Variants in MTMR3 observed in about 807,000 individuals in gnomAD.
MTMR3 encodes the protein phosphatidylinositol-3,5-bisphosphate 3-phosphatase MTMR3.
MTMR3 carries 32 observed loss-of-function variants against 132.4 expected under a neutral mutation model. The observed-to-expected ratio is 0.24, with a 90% CI of 0.18 to 0.32. The LOEUF (loss-of-function observed/expected upper bound fraction) is 0.32, where lower values mean the gene tolerates loss of function less well. Among genes scored for constraint, MTMR3 ranks in the 10% least tolerant of loss-of-function variants. The pLI, the probability that MTMR3 is intolerant of heterozygous loss-of-function variation, is 1.00. For missense variants in MTMR3, 1,216 were observed against 1,489.6 expected, an observed-to-expected ratio of 0.82 and a Z score of 3.02; for synonymous variants, 556 against 550.3, an observed-to-expected ratio of 1.01 and a Z score of -0.14.
intron 9 of MTMR3, chr22:30,004,839 A>T (rs1215276803): frequency 1.3e-5 from 2 of 152,208 alleles, no homozygotes; most frequent in Non-Finnish European, 2.9e-5. Context: ...CTTGACATCC[A>T]TTTCCTGAAT....
At chr22:29,954,409 A>G (rs1423830896) in intron 1 of MTMR3, among the ~76,000 whole-genome samples, 1 of 152,068 alleles carries the variant, frequency 6.6e-6, no homozygotes, top group Non-Finnish European at 1.5e-5. Flanking sequence ...CTTATCTGAC[A>G]AATAGTCCTA....
chr22:29,906,817 G>C (rs145829180), intron 1 of MTMR3, among the ~76,000 whole-genome samples: 15 of 152,140 alleles, frequency 9.9e-5, no homozygotes, highest in African/African-American at 3.4e-4. Context: ...GGTGGCTCAT[G>C]CCTGTATCCC....
chr22:29,971,107 G>C, intron 3 of MTMR3, 45 bp downstream of exon 3: 1 of 1,564,952 alleles, frequency 6.4e-7, no homozygotes, highest in Non-Finnish European at 8.6e-7. Context: ...AAAAAACCCT[G>C]TGTCCTGACA....
intron 7 of MTMR3, chr22:29,993,091 A>G (rs1042902935): frequency 9.2e-5 from 14 of 152,358 alleles, no homozygotes; most frequent in African/African-American, 2.4e-4. Context: ...TTGAAAAACA[A>G]AAGCACCTGC....
chr22:29,992,723 C>T (rs2066989358), intron 7 of MTMR3: 1 of 152,190 alleles, frequency 6.6e-6, no homozygotes, highest in Non-Finnish European at 1.5e-5. Flanking sequence ...TCTTATAAGT[C>T]TGCCCTGGGT....
rs1601453022 is a variant in MTMR3 at position 30,028,544 on chromosome 22, T to C, written c.*2743T>C. 6.6e-6 allele frequency: 1 copy of C among 152,312 alleles called. No individual in the cohort carries two copies. The highest frequency in any genetic ancestry group is 1.5e-5 in the Non-Finnish European group (1 of 68,058). The allele number at this position is 152,312 out of a possible 1,614,324, so 9.4% of individuals were successfully genotyped here. A position where few individuals can be genotyped will look rare whatever the true frequency, so the allele number is the denominator to read the frequency against. ...GCATCCCTCCCATCACATGGGTCTGTGGGTGAGATATGTTATGCTGTTCCT... is the reference window on the plus strand; with the variant it reads ...GCATCCCTCCCATCACATGGGTCTGCGGGTGAGATATGTTATGCTGTTCCT... On this transcript the variant is annotated 3_prime_UTR_variant, in exon 20 of 20. Coordinates refer to ENST00000401950, the MANE Select transcript of MTMR3 (RefSeq NM_021090.4).
At chr22:29,978,821 G>A in intron 4 of MTMR3, 115 bp from the exon 5 acceptor site, 1 of 786,370 alleles carries the variant, frequency 1.3e-6, no homozygotes. Context: ...CTACTTATGT[G>A]CTGTGTTTTC....
intron 19 of MTMR3, chr22:30,023,305 A>G (rs1297675775): frequency 1.1e-5 from 8 of 741,860 alleles, no homozygotes; most frequent in East Asian, 5.0e-5. Context: ...GAATCATGCC[A>G]TAGCTCACCC....
At chr22:29,976,873 T>G (rs931422493) in intron 3 of MTMR3, among the ~76,000 whole-genome samples, 3 of 152,194 alleles carry the variant, frequency 2.0e-5, no homozygotes, top group Non-Finnish European at 4.4e-5. Context: ...AAACTCTTTT[T>G]GGGGGAAGAC....
intron 7 of MTMR3, chr22:29,993,950 A>G (rs1425574474): frequency 5.0e-6 from 1 of 200,748 alleles, no homozygotes. Context: ...GTATTCTACG[A>G]TTTAGTTGAA....
At chr22:30,023,531 A>C in intron 19 of MTMR3, 1 of 1,601,162 alleles carries the variant, frequency 6.2e-7, no homozygotes, top group Non-Finnish European at 8.6e-7. Flanking sequence ...ATCTACAATA[A>C]CTTCTCCACA....
In MTMR3 at chr22:30,017,908, T is replaced by C. The variant is rs1490282573; in HGVS notation, c.1675-19T>C. 2 of 1,612,446 alleles carry C rather than the reference T, an allele frequency of 1.2e-6. No homozygotes were observed. The highest frequency in any genetic ancestry group is 2.2e-5 in the South Asian group (2 of 90,786). ...ACTTATTGGGGCATATTTAAACCTG[T>C]GTCCTCCCCCCTCCTCAGGTGCTGT... On this transcript the variant is annotated intron_variant, in intron 15 of 19. Coordinates refer to ENST00000401950, the MANE Select transcript of MTMR3 (RefSeq NM_021090.4).
rs139430397 is a variant in MTMR3, at chr22:30,026,048, A to ATT, written c.*260_*261dup. On this transcript the variant is annotated 3_prime_UTR_variant, in exon 20 of 20. Coordinates refer to ENST00000401950, the MANE Select transcript of MTMR3 (RefSeq NM_021090.4). ...AGGAAACTTTCCCTTGGTTGTCTTA[A>ATT]TTTTTTTTTTTTTTGATGGAAGACC... is the stretch of plus-strand genomic sequence containing the variant. The ATT allele has an allele frequency of 3.4e-3, 1,144 of 335,386 alleles. No individual in the cohort carries two copies. The highest frequency in any genetic ancestry group is 0.01 in the East Asian group (204 of 20,020). The allele number at this position is 335,386 out of a possible 1,614,324, so 20.8% of individuals were successfully genotyped here.
intron 8 of MTMR3, chr22:29,999,285 A>G (rs544655140): frequency 6.6e-6 from 1 of 152,644 alleles, no homozygotes; most frequent in Admixed American, 6.5e-5. Context: ...TGAAATAGAC[A>G]TAAGTACAGT....
rs542969968 is a variant in MTMR3 at position 29,945,323 on chromosome 22, T to C, written c.-137-11713T>C. On this transcript the variant is annotated intron_variant, in intron 1 of 19. Transcript: ENST00000401950. The stretch of plus-strand genomic sequence containing the variant: ...CCCAGCCTGGAAATGTAAATAATTA[T>C]AATGACATGTAGTAAGCATTATAAA... Among the ~76,000 whole-genome samples, 3 of 152,286 alleles carry C rather than the reference T, an allele frequency of 2.0e-5. No homozygotes were observed. In the East Asian group the frequency reaches 5.8e-4, roughly 29 times the overall value.
At chr22:29,999,566 T>C (rs2067126624) in intron 8 of MTMR3, 1 of 152,256 alleles carries the variant, frequency 6.6e-6, no homozygotes, top group South Asian at 2.1e-4. Flanking sequence ...TGTAGAATTT[T>C]CCACTTGTGG....
chr22:29,988,478 A>G lies in MTMR3; in HGVS notation c.211-2A>G. On this transcript the variant is annotated splice_acceptor_variant, in intron 5 of 19. Transcript: ENST00000401950. LOFTEE classifies it high-confidence loss of function. ...GAGGACTTCATTTTTTTAAAATTGCAGGTTCCATTACAGCTTATAGAAAGT... is the reference window on the plus strand; with the variant it reads ...GAGGACTTCATTTTTTTAAAATTGCGGGTTCCATTACAGCTTATAGAAAGT... The G allele has an allele frequency of 6.2e-7, 1 of 1,608,116 alleles. No homozygotes were observed. The highest frequency in any genetic ancestry group is 8.5e-7 in the Non-Finnish European group (1 of 1,176,638).
intron 1 of MTMR3, among the ~76,000 whole-genome samples, chr22:29,913,128 G>T (rs540770774): frequency 6.6e-6 from 1 of 152,162 alleles, no homozygotes; most frequent in Middle Eastern, 3.4e-3. Context: ...CTCACCTATA[G>T]TCCCAGCTAC....
chr22:29,974,674 C>G (rs889497885), intron 3 of MTMR3, among the ~76,000 whole-genome samples: 6 of 152,142 alleles, frequency 3.9e-5, no homozygotes, highest in Non-Finnish European at 5.9e-5. Context: ...TTGTTCTTTA[C>G]AAGCCTGCTA....
Sources: allele counts gnomAD v4.1 joint callset (sites outside exome capture counted in the v4.1 genomes callset), GRCh38; gene constraint gnomAD v4.1.1; transcripts MANE v1.5; gene names NCBI Gene and HGNC (gene_info 2026-07-23, HGNC 2026-07-21).